The following SLC2A11 variants were observed in gnomAD, a reference collection of about 807,000 sequenced individuals.
SLC2A11 encodes solute carrier family 2 member 11, also known as solute carrier family 2, facilitated glucose transporter member 11.
Under a neutral mutation model 52.1 loss-of-function variants are expected in SLC2A11, and 43 were observed. The ratio of observed to expected loss-of-function variants is 0.82; its 90% CI spans 0.65 to 1.06. The LOEUF is 1.06. Ranked by LOEUF, SLC2A11 falls within the 50% of genes least tolerant of loss-of-function variation. The probability of loss-of-function intolerance (pLI) is 0.00; values close to 1 mark genes in which losing one functional copy is unlikely to be tolerated. For missense variants in SLC2A11, 582 were observed against 654.2 expected, an observed-to-expected ratio of 0.89 and a Z score of 1.20; for synonymous variants, 261 against 277.6, an observed-to-expected ratio of 0.94 and a Z score of 0.59.
At chr22:23,858,138 G>T in intron 1 of SLC2A11, 109 bp downstream of exon 1, 1 of 1,437,420 alleles carries the variant, frequency 7.0e-7, no homozygotes, top group Non-Finnish European at 9.6e-7. Context: ...GTCGTCAAAT[G>T]TTCAAAAATA....
chr22:23,884,690 CTG>C lies in SLC2A11; in HGVS notation c.1345_1346del (p.Val449LeufsTer12). The C allele has an allele frequency of 6.2e-7, 1 of 1,613,530 alleles. No homozygotes were observed. The highest frequency in any genetic ancestry group is 8.5e-7 in the Non-Finnish European group (1 of 1,179,816). On this transcript the variant is annotated frameshift_variant, in exon 12 of 12. Coordinates refer to ENST00000316185, the MANE Select transcript of SLC2A11 (RefSeq NM_001024939.4). LOFTEE classifies it low-confidence loss of function (END_TRUNC). The surrounding 1 kb of genome is among the most constrained non-coding windows in gnomAD (Gnocchi z 4.3). ...TCCTCTATGTCCCTTTCCTTGGTGTCTGTGTCTGTGGGGCCATCTACACTGGC... is the reference window on the plus strand; with the variant it reads ...TCCTCTATGTCCCTTTCCTTGGTGTCTGTCTGTGGGGCCATCTACACTGGC... ...HFLYVPFLGV[C>X]VCGAIYTGLF...
chr22:23,857,425 G>A, upstream of SLC2A11: 1 of 1,608,404 alleles, frequency 6.2e-7, no homozygotes, highest in Non-Finnish European at 8.5e-7. Flanking sequence ...CTGCAGAGAT[G>A]AGCTTGGGGC....
chr22:23,878,633 A>C (rs1394661482), intron 6 of SLC2A11, among the ~76,000 whole-genome samples: 3 of 152,212 alleles, frequency 2.0e-5, no homozygotes, highest in African/African-American at 7.2e-5. Flanking sequence ...AATTGATGGC[A>C]TATCCTCTCC....
Position 23,884,998 on chromosome 22 carries a change from C to G in SLC2A11, c.*149C>G. The G allele has an allele frequency of 1.6e-6, 1 of 633,692 alleles. No homozygotes were observed. Among genetic ancestry groups the G allele is most frequent in the Non-Finnish European group, 2.7e-6 (1 of 366,014 alleles). The allele number at this position is 633,692 out of a possible 1,614,324, so 39.3% of individuals were successfully genotyped here. A position where few individuals can be genotyped will look rare whatever the true frequency, so the allele number is the denominator to read the frequency against. ...TGCAGACATGGCTCCAGGTGCTTAG[C>G]AATCAATGGTGAGCGTGGTATTCCA... On this transcript the variant is annotated 3_prime_UTR_variant, in exon 12 of 12. Transcript: ENST00000316185. The surrounding 1 kb of genome is among the most constrained non-coding windows in gnomAD (Gnocchi z 4.3).
At chr22:23,878,004 T>C in intron 6 of SLC2A11, 135 bp downstream of exon 6, 1 of 1,122,062 alleles carries the variant, frequency 8.9e-7, no homozygotes, top group Non-Finnish European at 1.2e-6. Context: ...AATTTCATGA[T>C]CTGCCTATAC....
Position 23,884,454 on chromosome 22 carries a change from G to A in SLC2A11, c.1299+25G>A. On this transcript the variant is annotated intron_variant, in intron 11 of 11. Coordinates refer to ENST00000316185, the MANE Select transcript of SLC2A11 (RefSeq NM_001024939.4). The surrounding 1 kb of genome is among the most constrained non-coding windows in gnomAD (Gnocchi z 4.3). Reference sequence around the variant, plus strand: ...GGTAGGCCCGCCCCTCCCGCTGGGGGCCCTGCCTTAGGCTGTGTCCCTGTC... The same window carrying A: ...GGTAGGCCCGCCCCTCCCGCTGGGGACCCTGCCTTAGGCTGTGTCCCTGTC... 1.2e-6 allele frequency: 2 copies of A among 1,608,490 alleles called. No individual in the cohort carries two copies. Among genetic ancestry groups the A allele is most frequent in the South Asian group, 1.1e-5 (1 of 90,148 alleles).
intron 6 of SLC2A11, chr22:23,881,950 AG>A (rs2032813843): frequency 1.4e-5 from 2 of 143,648 alleles, no homozygotes; most frequent in South Asian, 1.9e-4. Flanking sequence ...AGAGAGAGAG[AG>A]AAACACACAC....
upstream of SLC2A11, chr22:23,857,587 C>CT (rs71184920): frequency 2.8e-6 from 4 of 1,452,774 alleles, no homozygotes; most frequent in Non-Finnish European, 3.8e-6. Flanking sequence ...ACCCCCCCCC[C>CT]GCGGCGGCGA....
chr22:23,857,080 G>A (rs1411539640), upstream of SLC2A11: 3 of 1,249,498 alleles, frequency 2.4e-6, no homozygotes, highest in South Asian at 2.5e-5. Context: ...GTGTGGGGGG[G>A]GGGGGGTGTA....
At chr22:23,863,703 G>A (rs1426303953) in intron 2 of SLC2A11, among the ~76,000 whole-genome samples, 1 of 132,936 alleles carries the variant, frequency 7.5e-6, no homozygotes, top group Non-Finnish European at 1.5e-5. Context: ...TGCAACCTCC[G>A]CCCCGTCCCG....
intron 1 of SLC2A11, 49 bp downstream of exon 1, chr22:23,858,078 G>A (rs2031921668): frequency 6.4e-7 from 1 of 1,551,764 alleles, no homozygotes; most frequent in Non-Finnish European, 8.7e-7. Flanking sequence ...ATGAGGGATT[G>A]CGGACCTGAG....
At chr22:23,871,034 T>C (rs2032436974) in intron 3 of SLC2A11, 1 of 152,122 alleles carries the variant, frequency 6.6e-6, no homozygotes, top group Admixed American at 6.6e-5. Flanking sequence ...TTCACCCACT[T>C]AGTGTTTCCC....
At chr22:23,866,182 AG>A (rs61327969) in intron 2 of SLC2A11, 1,257 of 88,238 alleles carry the variant, frequency 0.014, 13 homozygotes, top group African/African-American at 0.034. Context: ...AAAAAAAAAA[AG>A]AAAGAAAAAA....
upstream of SLC2A11, chr22:23,857,870 A>G: frequency 1.3e-6 from 2 of 1,538,588 alleles, no homozygotes; most frequent in Non-Finnish European, 1.7e-6. Flanking sequence ...CGCGTGCGCT[A>G]GCGCCTCTTT....
chr22:23,863,118 A>G (rs2032132199), intron 2 of SLC2A11, among the ~76,000 whole-genome samples: 2 of 152,184 alleles, frequency 1.3e-5, no homozygotes, highest in South Asian at 4.1e-4. Context: ...CCCTGATACC[A>G]AAGCAAGTTA....
At chr22:23,874,853 G>A (rs571080695) in intron 3 of SLC2A11, among the ~76,000 whole-genome samples, 124 of 152,138 alleles carry the variant, frequency 8.2e-4, no homozygotes, top group Non-Finnish European at 1.1e-3. Flanking sequence ...CCAAAGTGTT[G>A]GGATTAAAGG....
intron 2 of SLC2A11, chr22:23,867,492 C>T (rs1355975187): frequency 3.1e-6 from 1 of 325,354 alleles, no homozygotes; most frequent in Non-Finnish European, 6.2e-6. Context: ...GCCACCGTGC[C>T]TGGCCACGGA....
chr22:23,872,747 G>A (rs994409459), intron 3 of SLC2A11: 5 of 152,236 alleles, frequency 3.3e-5, no homozygotes, highest in Non-Finnish European at 7.3e-5. Flanking sequence ...GGACCAAGGT[G>A]CAGCAATTTG....
Position 23,877,833 on chromosome 22 carries a change from C to G in SLC2A11, c.658C>G (p.Leu220Val). 6.2e-7 allele frequency: 1 copy of G among 1,613,654 alleles called. No individual in the cohort carries two copies. Among genetic ancestry groups the G allele is most frequent in the Non-Finnish European group, 8.5e-7 (1 of 1,179,798 alleles). ...GCTCCCTGAAAGCCCGCGCTACCTC[C>G]TCATTGACTGTGGAGACACCGAGGC... is the stretch of plus-strand genomic sequence containing the variant. ...PLLPESPRYL[L>V]IDCGDTEACL... is the part of the protein sequence containing the mutation. Residue 220 changes from leucine (L) to valine (V), a missense_variant, in exon 6 of 12, where the codon CTC (leucine) becomes GTC (valine). Physicochemically the swap from Leu to Val is conservative, Grantham distance 32 (BLOSUM62 1). Transcript: ENST00000316185.
Sources: allele counts gnomAD v4.1 joint callset (sites outside exome capture counted in the v4.1 genomes callset), GRCh38; gene constraint gnomAD v4.1.1; non-coding constraint Gnocchi (gnomAD v3.1); transcripts MANE v1.5; gene names NCBI Gene and HGNC (gene_info 2026-07-23, HGNC 2026-07-21).